Variants in PDSS2 observed in about 807,000 individuals in gnomAD.
The protein encoded by PDSS2 is decaprenyl diphosphate synthase subunit 2, also known as all trans-polyprenyl-diphosphate synthase PDSS2.
A neutral mutation model predicts 44.5 loss-of-function variants in PDSS2; 31 were observed. That is an observed-to-expected ratio of 0.70 (90% CI 0.52 to 0.94). The LOEUF is 0.94. Ranked by LOEUF, PDSS2 falls within the 40% of genes least tolerant of loss-of-function variation. PDSS2 has a pLI of 0.00. For synonymous variants in PDSS2, 157 were observed against 180.3 expected (o/e 0.87, Z 1.03); for missense variants, 452 against 482.2 (o/e 0.94, Z 0.59).
intron 6 of PDSS2, among the ~76,000 whole-genome samples, chr6:107,209,975 T>TC (rs890651477): frequency 1.1e-4 from 17 of 151,746 alleles, no homozygotes; most frequent in Admixed American, 2.6e-4. Flanking sequence ...CATGCTTTTT[T>TC]CCCCCCCGCT....
At chr6:107,180,948 G>T (rs750026013) in intron 7 of PDSS2, among the ~76,000 whole-genome samples, 1 of 152,090 alleles carries the variant, frequency 6.6e-6, no homozygotes, top group Non-Finnish European at 1.5e-5. Flanking sequence ...GGATTCAAGC[G>T]ATTCTCCTGC....
At chr6:107,323,929 C>T (rs1029861340) in intron 2 of PDSS2, among the ~76,000 whole-genome samples, 1 of 152,160 alleles carries the variant, frequency 6.6e-6, no homozygotes, top group Non-Finnish European at 1.5e-5. Context: ...ATGCAATAAA[C>T]TAACTCAGCT....
chr6:107,429,233 G>C (rs1441772663), intron 1 of PDSS2, among the ~76,000 whole-genome samples: 1 of 152,178 alleles, frequency 6.6e-6, no homozygotes, highest in Admixed American at 6.5e-5. Context: ...TGTGGCTACA[G>C]CTTAGGGTGG....
intron 1 of PDSS2, among the ~76,000 whole-genome samples, chr6:107,440,189 T>G (rs1008622591): frequency 1.3e-5 from 2 of 152,184 alleles, no homozygotes; most frequent in Non-Finnish European, 2.9e-5. Flanking sequence ...CTAGAGAGGT[T>G]AGTAATTTGT....
intron 1 of PDSS2, among the ~76,000 whole-genome samples, chr6:107,454,680 A>G (rs1781979209): frequency 6.6e-6 from 1 of 151,682 alleles, no homozygotes; most frequent in Non-Finnish European, 1.5e-5. Context: ...GTCACCATTC[A>G]CGTAAACTTT....
rs1397779807 is a variant in PDSS2 at position 107,166,217 on chromosome 6, T to TG, written c.1042-11441dup. ...CCAACACTATGTTGAATAGGAGTGG[T>TG]GAGAGAGGGCATCCCTGTCTTGTGC... On this transcript the variant is annotated intron_variant, in intron 7 of 7. Transcript: ENST00000369037. Among the ~76,000 whole-genome samples, 4 of 152,234 alleles carry TG rather than the reference T, an allele frequency of 2.6e-5. No homozygotes were observed. In the East Asian group the frequency reaches 7.7e-4, roughly 29 times the overall value.
At chr6:107,159,302 G>A (rs1771029326) in intron 7 of PDSS2, among the ~76,000 whole-genome samples, 1 of 145,112 alleles carries the variant, frequency 6.9e-6, no homozygotes, top group African/African-American at 2.5e-5. Flanking sequence ...AGGAGGGAGG[G>A]AGGGAGGCGG....
chr6:107,346,229 G>GT (rs1039591654), intron 1 of PDSS2, among the ~76,000 whole-genome samples: 17 of 152,310 alleles, frequency 1.1e-4, no homozygotes, highest in African/African-American at 3.8e-4. Context: ...TCAGAGAACA[G>GT]TATTTGCTCT....
At chr6:107,324,773 G>C (rs956173044) in intron 2 of PDSS2, among the ~76,000 whole-genome samples, 1 of 152,054 alleles carries the variant, frequency 6.6e-6, no homozygotes, top group Non-Finnish European at 1.5e-5. Context: ...TAAATAACAT[G>C]ATCAACATGT....
intron 7 of PDSS2, among the ~76,000 whole-genome samples, chr6:107,169,181 T>C (rs2114358854): frequency 6.6e-6 from 1 of 152,230 alleles, no homozygotes; most frequent in South Asian, 2.1e-4. Context: ...TGTTTATTTT[T>C]CCTCTTTTTT....
rs1562389540 is a variant in PDSS2 at position 107,225,165 on chromosome 6, T to TATATATATATA, written c.703-12884_703-12883insTATATATATAT. Among the ~76,000 whole-genome samples the TATATATATATA allele has an allele frequency of 3.2e-3, 127 of 39,662 alleles. 2 individuals carry two copies. The highest frequency in any genetic ancestry group is 0.015 in the African/African-American group (115 of 7,462). The allele number at this position is 39,662 out of a possible 152,430, so 26.0% of individuals were successfully genotyped here. On this transcript the variant is annotated intron_variant, in intron 4 of 7. Transcript: ENST00000369037. ...TATATATATATATATATATATATTT[T>TATATATATATA]TTTTTTTTTTTTTTTTTTTTTTTTG...
At chr6:107,214,718 C>T (rs1773355441) in intron 4 of PDSS2, among the ~76,000 whole-genome samples, 1 of 152,130 alleles carries the variant, frequency 6.6e-6, no homozygotes, top group Admixed American at 6.6e-5. Context: ...TGAAATAGAG[C>T]CCCCTCCTCT....
chr6:107,277,482 G>GAT (rs1349388765), intron 2 of PDSS2, among the ~76,000 whole-genome samples: 4 of 152,064 alleles, frequency 2.6e-5, no homozygotes, highest in African/African-American at 9.7e-5. Flanking sequence ...ATGAAAGGAT[G>GAT]ATATATATTT....
At chr6:107,377,811 T>G (rs1464805667) in intron 1 of PDSS2, among the ~76,000 whole-genome samples, 2 of 151,756 alleles carry the variant, frequency 1.3e-5, no homozygotes, top group African/African-American at 2.4e-5. Context: ...CCGCATGTTC[T>G]CACTCATAGA....
chr6:107,273,920 T>C (rs1775685880), intron 3 of PDSS2, 109 bp downstream of exon 3: 1 of 800,404 alleles, frequency 1.2e-6, no homozygotes, highest in Non-Finnish European at 2.2e-6. Context: ...TTACTGAGCA[T>C]GTACATGAGG....
At chr6:107,205,997 T>C (rs1040156494) in intron 6 of PDSS2, among the ~76,000 whole-genome samples, 1 of 152,222 alleles carries the variant, frequency 6.6e-6, no homozygotes, top group African/African-American at 2.4e-5. Context: ...ATTTTAAATG[T>C]GGTAATAAGA....
At chr6:107,324,794 G>A (rs1275834587) in intron 2 of PDSS2, among the ~76,000 whole-genome samples, 2 of 152,024 alleles carry the variant, frequency 1.3e-5, no homozygotes, top group African/African-American at 2.4e-5. Context: ...TCTGCCTTAA[G>A]CCTCATTTCT....
chr6:107,332,881 A>G (rs534906305), intron 2 of PDSS2, among the ~76,000 whole-genome samples: 1 of 152,350 alleles, frequency 6.6e-6, no homozygotes, highest in East Asian at 1.9e-4. Context: ...GACATCCCTT[A>G]TAGTGAAGGG....
In PDSS2 at chr6:107,389,646, T is replaced by C. The variant is rs182490835; in HGVS notation, c.297-55314A>G. 2.6e-5 allele frequency among the ~76,000 whole-genome samples: 4 copies of C among 152,322 alleles called. No homozygotes were observed. In the East Asian group the frequency reaches 5.8e-4, roughly 22 times the overall value. On this transcript the variant is annotated intron_variant, in intron 1 of 7. Transcript: ENST00000369037. ...AGAATTATCAATATGAATTCATGTT[T>C]AACTTAATGTAGATACACAAATAAT...
Sources: gnomAD v4.1 joint callset for allele counts (sites outside exome capture counted in the v4.1 genomes callset) on GRCh38, gnomAD v4.1.1 for gene constraint, MANE v1.5 for transcripts, NCBI Gene and HGNC (gene_info 2026-07-23, HGNC 2026-07-21) for gene names.